Variants in GLI2 observed in about 807,000 individuals in gnomAD.
GLI2 encodes the protein GLI family zinc finger 2.
In GLI2, 22 loss-of-function variants were observed where a neutral mutation model predicts 78.9. The ratio of observed to expected loss-of-function variants is 0.28; its 90% CI spans 0.20 to 0.40. The LOEUF is 0.40. Ranked by LOEUF, GLI2 falls within the 10% of genes least tolerant of loss-of-function variation. The pLI is 1.00. For missense variants in GLI2, 2,097 were observed against 2,213.2 expected (o/e 0.95, Z 1.05); for synonymous variants, 974 against 963.7 (o/e 1.01, Z -0.20).
chr2:120,846,009 C>T (rs4848641), intron 2 of GLI2, among the ~76,000 whole-genome samples: 48,543 of 151,998 alleles, frequency 0.32, 9,959 homozygotes, highest in African/African-American at 0.59. Flanking sequence ...GGGTCTGTAA[C>T]TGGACATCAC....
At chr2:120,939,241 C>T (rs1468390154) in intron 3 of GLI2, among the ~76,000 whole-genome samples, 3 of 151,944 alleles carry the variant, frequency 2.0e-5, no homozygotes, top group Non-Finnish European at 1.5e-5. Flanking sequence ...GAGATGGCGC[C>T]ATTGCACTCC....
chr2:120,892,241 C>T (rs565543863), intron 2 of GLI2, among the ~76,000 whole-genome samples: 5 of 152,272 alleles, frequency 3.3e-5, no homozygotes, highest in African/African-American at 4.8e-5. Context: ...ACAGGAGAAA[C>T]GTTTGTTTCA....
intron 2 of GLI2, among the ~76,000 whole-genome samples, chr2:120,824,054 T>C (rs1685912923): frequency 6.6e-6 from 1 of 152,256 alleles, no homozygotes; most frequent in Admixed American, 6.5e-5. Context: ...CAGGTTTTTC[T>C]GATTCGTCTG....
intron 2 of GLI2, among the ~76,000 whole-genome samples, chr2:120,848,236 G>A (rs894453190): frequency 2.0e-5 from 3 of 152,206 alleles, no homozygotes; most frequent in African/African-American, 7.2e-5. Flanking sequence ...GTCCTGGAAG[G>A]GGCGGCGGAG....
intron 6 of GLI2, among the ~76,000 whole-genome samples, chr2:120,969,828 G>A (rs906192332): frequency 2.6e-5 from 4 of 152,232 alleles, no homozygotes; most frequent in African/African-American, 9.6e-5. Context: ...TGCAGCCTAT[G>A]ATGTGAGAGG....
chr2:120,812,476 G>A lies in GLI2; in HGVS notation c.148+15008G>A, dbSNP rs1327451984. On this transcript the variant is annotated intron_variant, in intron 2 of 13. Transcript: ENST00000361492. ...CAGGGCTGAAGCTGAGACGCAGGCC[G>A]GATTACGATCCACAGGGTCATCCTC... 3.9e-5 allele frequency among the ~76,000 whole-genome samples: 6 copies of A among 152,184 alleles called. 1 individual carries two copies. The highest frequency in any genetic ancestry group is 4.1e-4 in the South Asian group (2 of 4,830).
At chr2:120,745,026 C>T (rs529880982) in intron 1 of GLI2, among the ~76,000 whole-genome samples, 221 of 152,314 alleles carry the variant, frequency 1.5e-3, no homozygotes, top group African/African-American at 4.3e-3. Context: ...GCTGTTGCAG[C>T]AAGGAAACTA....
chr2:120,810,475 C>G (rs1685183956), intron 2 of GLI2, among the ~76,000 whole-genome samples: 1 of 152,174 alleles, frequency 6.6e-6, no homozygotes, highest in Non-Finnish European at 1.5e-5. Flanking sequence ...ATTGCTGTCC[C>G]TCCTCCCTCT....
intron 2 of GLI2, among the ~76,000 whole-genome samples, chr2:120,860,632 C>T (rs1687859645): frequency 6.6e-6 from 1 of 152,290 alleles, no homozygotes; most frequent in East Asian, 1.9e-4. Flanking sequence ...TTTCAGGCAA[C>T]GGTTCTGGTG....
At chr2:120,765,650 C>T (rs545051376) in intron 1 of GLI2, among the ~76,000 whole-genome samples, 3 of 152,352 alleles carry the variant, frequency 2.0e-5, no homozygotes, top group African/African-American at 7.2e-5. Flanking sequence ...GAGCTGACGC[C>T]CCCTCCATCA....
chr2:120,811,322 C>T (rs1283656355), intron 2 of GLI2, among the ~76,000 whole-genome samples: 1 of 152,176 alleles, frequency 6.6e-6, no homozygotes, highest in Non-Finnish European at 1.5e-5. Context: ...TTCTATCCCC[C>T]CAGCCTCATT....
At chr2:120,934,990 C>T (rs1480983197) in intron 3 of GLI2, among the ~76,000 whole-genome samples, 1 of 152,240 alleles carries the variant, frequency 6.6e-6, no homozygotes, top group Admixed American at 6.5e-5. Context: ...CAGTCATTCA[C>T]TGAGACGGGT....
rs141469709 is a variant in GLI2 at position 120,850,375 on chromosome 2, T to C, written c.148+52907T>C. Among the ~76,000 whole-genome samples the C allele has an allele frequency of 3.1e-3, 468 of 152,292 alleles. 1 individual carries two copies. Among genetic ancestry groups the C allele is most frequent in the African/African-American group, 0.011 (437 of 41,560 alleles). On this transcript the variant is annotated intron_variant, in intron 2 of 13. Transcript: ENST00000361492. ...TACAAACGAAGGAGGACTAAACTAC[T>C]ACCCTTCCGATCAACAGCAGTGAGT... is the stretch of plus-strand genomic sequence containing the variant.
rs546408036 is a variant in GLI2, at chr2:120,926,581, A to G, written c.149-780A>G. On this transcript the variant is annotated intron_variant, in intron 2 of 13. Transcript: ENST00000361492. ...ACTTTGTTAAAAGCCTTCTTTTCCT[A>G]AAGCCTATAATTATGTTTGCCTCCA... 2.6e-5 allele frequency among the ~76,000 whole-genome samples: 4 copies of G among 152,278 alleles called. No homozygotes were observed. In the South Asian group the frequency reaches 8.3e-4, roughly 32 times the overall value.
At chr2:120,928,146 C>T (rs910611707) in intron 3 of GLI2, among the ~76,000 whole-genome samples, 2 of 152,162 alleles carry the variant, frequency 1.3e-5, no homozygotes, top group Non-Finnish European at 2.9e-5. Context: ...CTCCCTACCC[C>T]CAAACTCTCC....
At chr2:120,865,176 G>A (rs936226775) in intron 2 of GLI2, among the ~76,000 whole-genome samples, 2 of 152,164 alleles carry the variant, frequency 1.3e-5, no homozygotes, top group Non-Finnish European at 2.9e-5. Flanking sequence ...GTGTCTGAGC[G>A]CTTGCCTGTG....
At chr2:120,981,854 G>A (rs1284070606) in intron 10 of GLI2, among the ~76,000 whole-genome samples, 3 of 150,532 alleles carry the variant, frequency 2.0e-5, no homozygotes, top group African/African-American at 2.5e-5. Flanking sequence ...TCCTCCTTCC[G>A]TCCTTTCCAA....
rs542106983 is a variant in GLI2, at chr2:120,946,960, CAT to C, written c.255-4282_255-4281del. Among the ~76,000 whole-genome samples, 343 of 152,358 alleles carry C rather than the reference CAT, an allele frequency of 2.3e-3. 1 individual carries two copies. The highest frequency in any genetic ancestry group is 2.2e-3 in the Non-Finnish European group (151 of 68,038). ...CTGTCAAAATGACCATCTCTGGGAA[CAT>C]GTGTGCCCCTGGATCCTTAGCGGTC... On this transcript the variant is annotated intron_variant, in intron 3 of 13. Transcript: ENST00000361492.
At chr2:120,855,973 G>C (rs1229621726) in intron 2 of GLI2, among the ~76,000 whole-genome samples, 2 of 152,300 alleles carry the variant, frequency 1.3e-5, no homozygotes, top group Admixed American at 1.3e-4. Flanking sequence ...TTTGTGCAGC[G>C]CCTACTTGGA....
Sources: allele counts gnomAD v4.1 joint callset (sites outside exome capture counted in the v4.1 genomes callset), GRCh38; gene constraint gnomAD v4.1.1; transcripts MANE v1.5; gene names NCBI Gene and HGNC (gene_info 2026-07-23, HGNC 2026-07-21).